PBX3: variants seen among roughly 807,000 people sequenced by gnomAD.
The protein encoded by PBX3 is PBX homeobox 3.
PBX3 carries 14 observed loss-of-function variants against 48.5 expected under a neutral mutation model. The ratio of observed to expected loss-of-function variants is 0.29; its 90% CI spans 0.19 to 0.45. The LOEUF (loss-of-function observed/expected upper bound fraction) is 0.45, where lower values mean the gene tolerates loss of function less well. Ranked by LOEUF, PBX3 falls within the 20% of genes least tolerant of loss-of-function variation. The pLI is 1.00. For missense variants in PBX3, 386 were observed against 546.7 expected (o/e 0.71, Z 2.93); for synonymous variants, 210 against 200.3 (o/e 1.05, Z -0.41).
In PBX3 at chr9:125,824,747, G is replaced by A. The variant is rs118132988; in HGVS notation, c.274+76124G>A. On this transcript the variant is annotated intron_variant, in intron 2 of 8. Coordinates refer to ENST00000373489, the MANE Select transcript of PBX3 (RefSeq NM_006195.6). ...TTAAATACTCATTGCTTACTAGACA[G>A]TGGGGGACAACAAAGTCTCCAGAAA... is the stretch of plus-strand genomic sequence containing the variant. Among the ~76,000 whole-genome samples the A allele has an allele frequency of 2.0e-3, 310 of 151,494 alleles. 1 individual carries two copies. The highest frequency in any genetic ancestry group is 4.0e-3 in the Non-Finnish European group (271 of 67,928).
chr9:125,760,183 T>C (rs1416553405), intron 2 of PBX3, among the ~76,000 whole-genome samples: 1 of 152,270 alleles, frequency 6.6e-6, no homozygotes, highest in Admixed American at 6.5e-5. Flanking sequence ...TTCAGGACGC[T>C]GAAAGTTTAC....
intron 4 of PBX3, among the ~76,000 whole-genome samples, chr9:125,931,713 T>C (rs549233503): frequency 6.6e-6 from 1 of 152,330 alleles, no homozygotes; most frequent in African/African-American, 2.4e-5. Context: ...TATATTCTAC[T>C]TGAGGAAACA....
intron 2 of PBX3, among the ~76,000 whole-genome samples, chr9:125,824,709 C>A (rs1458124919): frequency 1.5e-4 from 21 of 139,912 alleles, no homozygotes; most frequent in South Asian, 9.1e-4. Flanking sequence ...AATCAGTTGG[C>A]TTTTTTTTTT....
intron 2 of PBX3, among the ~76,000 whole-genome samples, chr9:125,865,085 G>A (rs1489716783): frequency 6.6e-6 from 1 of 152,252 alleles, no homozygotes; most frequent in Non-Finnish European, 1.5e-5. Context: ...CACATGACAA[G>A]CTGGGTAACT....
At chr9:125,823,194 T>C (rs1838706190) in intron 2 of PBX3, among the ~76,000 whole-genome samples, 1 of 152,216 alleles carries the variant, frequency 6.6e-6, no homozygotes, top group Non-Finnish European at 1.5e-5. Context: ...TCTGGTTCCC[T>C]CTGCAAATGC....
At chr9:125,851,617 A>G (rs553988631) in intron 2 of PBX3, among the ~76,000 whole-genome samples, 1 of 152,286 alleles carries the variant, frequency 6.6e-6, no homozygotes, top group Non-Finnish European at 1.5e-5. Flanking sequence ...TTTAACACAT[A>G]TCAAATAAGA....
At chr9:125,821,223 A>C (rs1181575803) in intron 2 of PBX3, among the ~76,000 whole-genome samples, 2 of 152,172 alleles carry the variant, frequency 1.3e-5, no homozygotes, top group South Asian at 4.1e-4. Flanking sequence ...AATGTGTAAA[A>C]CATATCATAG....
At chr9:125,945,520 T>C (rs1842047287) in intron 5 of PBX3, among the ~76,000 whole-genome samples, 1 of 152,208 alleles carries the variant, frequency 6.6e-6, no homozygotes, top group African/African-American at 2.4e-5. Context: ...TCATAACTTC[T>C]TTTCCCCATG....
chr9:125,822,976 A>G (rs1181550638), intron 2 of PBX3, among the ~76,000 whole-genome samples: 1 of 149,398 alleles, frequency 6.7e-6, no homozygotes, highest in Non-Finnish European at 1.5e-5. Context: ...TTTGTTTGCT[A>G]AGTAGCTAAA....
chr9:125,857,107 T>A (rs1839744029), intron 2 of PBX3, among the ~76,000 whole-genome samples: 1 of 152,172 alleles, frequency 6.6e-6, no homozygotes, highest in Admixed American at 6.5e-5. Flanking sequence ...TTCTTCACAA[T>A]AGGATTTGAA....
In PBX3 at chr9:125,818,491, C is replaced by T. The variant is rs555625663; in HGVS notation, c.274+69868C>T. Among the ~76,000 whole-genome samples, 12 of 151,774 alleles carry T rather than the reference C, an allele frequency of 7.9e-5. No homozygotes were observed. In the South Asian group the frequency reaches 1.2e-3, roughly 16 times the overall value. ...CTGGGATTGTGGGTCTGTGCCACCA[C>T]GCCCGGCTAATTTTTATTTTAATTT... On this transcript the variant is annotated intron_variant, in intron 2 of 8. Coordinates refer to ENST00000373489, the MANE Select transcript of PBX3 (RefSeq NM_006195.6).
intron 2 of PBX3, among the ~76,000 whole-genome samples, chr9:125,864,771 C>G (rs369280850): frequency 6.6e-6 from 1 of 152,144 alleles, no homozygotes. Flanking sequence ...CTTGCTTGCC[C>G]GTCGCTCACC....
intron 5 of PBX3, among the ~76,000 whole-genome samples, chr9:125,959,535 A>G (rs547441340): frequency 1.4e-4 from 21 of 152,326 alleles, no homozygotes; most frequent in African/African-American, 5.1e-4. Context: ...AAGAATGGGA[A>G]TTCTATTTCC....
chr9:125,851,861 T>A (rs1175047718), intron 2 of PBX3, among the ~76,000 whole-genome samples: 1 of 145,272 alleles, frequency 6.9e-6, no homozygotes, highest in Non-Finnish European at 1.5e-5. Context: ...ATTCAAAAAA[T>A]TTTTGCTGCT....
At position 125,963,911 on chromosome 9, in the gene PBX3, T is replaced by C. The variant is rs1320981855; in HGVS notation, c.1212+810T>C. ...CAATTGTAAAGGGAAAAAAGGACCATTAAATACTCAAATCTTTTACATTTG... is the reference window on the plus strand; with the variant it reads ...CAATTGTAAAGGGAAAAAAGGACCACTAAATACTCAAATCTTTTACATTTG... On this transcript the variant is annotated intron_variant, in intron 8 of 8. Coordinates refer to ENST00000373489, the MANE Select transcript of PBX3 (RefSeq NM_006195.6). 4.6e-5 allele frequency among the ~76,000 whole-genome samples: 5 copies of C among 109,194 alleles called. No homozygotes were observed. In the South Asian group the frequency reaches 1.9e-3, roughly 42 times the overall value. The allele number at this position is 109,194 out of a possible 152,430, so 71.6% of individuals were successfully genotyped here.
At chr9:125,765,512 C>T (rs1037785112) in intron 2 of PBX3, among the ~76,000 whole-genome samples, 3 of 152,104 alleles carry the variant, frequency 2.0e-5, no homozygotes, top group Non-Finnish European at 4.4e-5. Context: ...AATAGGGTTA[C>T]TGGCCACTTG....
intron 2 of PBX3, among the ~76,000 whole-genome samples, chr9:125,912,565 G>C (rs1279583864): frequency 6.6e-6 from 1 of 152,076 alleles, no homozygotes; most frequent in African/African-American, 2.4e-5. Flanking sequence ...ATGTTTTACT[G>C]TGTTTGTATG....
At chr9:125,769,388 G>A (rs1257434575) in intron 2 of PBX3, among the ~76,000 whole-genome samples, 2 of 152,138 alleles carry the variant, frequency 1.3e-5, no homozygotes, top group East Asian at 1.9e-4. Flanking sequence ...AGGGGTCCAC[G>A]GACACCATTT....
rs551327329 is a variant in PBX3 at position 125,961,655 on chromosome 9, A to T, written c.1010-447A>T. Among the ~76,000 whole-genome samples, 70 of 152,210 alleles carry T rather than the reference A, an allele frequency of 4.6e-4. 1 individual carries two copies. In the Middle Eastern group the frequency reaches 0.031, roughly 67 times the overall value. On this transcript the variant is annotated intron_variant, in intron 6 of 8. Transcript: ENST00000373489. ...TCTTTTTAATGGCACATAAAAACAG[A>T]TGAAAGGAGAGGGAGGTATATGCAT...
Sources: allele counts gnomAD v4.1 joint callset (sites outside exome capture counted in the v4.1 genomes callset), GRCh38; gene constraint gnomAD v4.1.1; transcripts MANE v1.5; gene names NCBI Gene and HGNC (gene_info 2026-07-23, HGNC 2026-07-21).